HK1: variants seen among roughly 807,000 people sequenced by gnomAD.
The protein encoded by HK1 is hexokinase-1.
A neutral mutation model predicts 91.6 loss-of-function variants in HK1; 28 were observed. That is an observed-to-expected ratio of 0.31 (90% CI 0.23 to 0.42). The LOEUF is 0.42. Ranked by LOEUF, HK1 falls within the 10% of genes least tolerant of loss-of-function variation. The pLI, the probability that HK1 is intolerant of heterozygous loss-of-function variation, is 1.00. For synonymous variants in HK1, 430 were observed against 468.1 expected (o/e 0.92, Z 1.05); for missense variants, 770 against 1,219.8 (o/e 0.63, Z 5.49).
chr10:69,338,230 C>T, intron 1 of HK1: 1 of 1,108,922 alleles, frequency 9.0e-7, no homozygotes, highest in Non-Finnish European at 1.1e-6. Context: ...TGCAGCCGGT[C>T]TGGCTACCCT....
At chr10:69,298,467 A>C (rs998453196) in intron 4 of HK1, among the ~76,000 whole-genome samples, 16 of 151,644 alleles carry the variant, frequency 1.1e-4, no homozygotes, top group Non-Finnish European at 1.6e-4. Flanking sequence ...CTCTAAAAAA[A>C]ATTGTAAAAA....
intron 5 of HK1, among the ~76,000 whole-genome samples, chr10:69,307,958 C>T (rs979710636): frequency 3.3e-5 from 5 of 152,164 alleles, no homozygotes; most frequent in Admixed American, 1.3e-4. Context: ...CCTGCCCCAG[C>T]CTCTGGAGTA....
intron 15 of HK1, 103 bp from the exon 16 acceptor site, chr10:69,394,847 C>A: frequency 8.7e-7 from 1 of 1,155,516 alleles, no homozygotes; most frequent in Non-Finnish European, 1.3e-6. Context: ...GTTGATGATG[C>A]GCTTGAGGGG....
At chr10:69,346,363 C>G (rs1848560800) in intron 2 of HK1, among the ~76,000 whole-genome samples, 1 of 151,748 alleles carries the variant, frequency 6.6e-6, no homozygotes, top group South Asian at 2.1e-4. Flanking sequence ...CAAGCCTTTC[C>G]TTTCTTGCTG....
intron 1 of HK1, among the ~76,000 whole-genome samples, chr10:69,325,154 C>T (rs1409111241): frequency 6.7e-6 from 1 of 150,168 alleles, no homozygotes. Context: ...TGGGTTCTCG[C>T]CATTCTCCTG....
At chr10:69,394,777 G>T (rs1339936893) in intron 15 of HK1, among the ~76,000 whole-genome samples, 173 bp from the exon 16 acceptor site, 1 of 152,148 alleles carries the variant, frequency 6.6e-6, no homozygotes, top group Non-Finnish European at 1.5e-5. Flanking sequence ...AGGACTCCCT[G>T]GTCCTTCCTG....
chr10:69,321,495 C>T (rs1378527431), intron 1 of HK1, among the ~76,000 whole-genome samples: 1 of 152,194 alleles, frequency 6.6e-6, no homozygotes, highest in Non-Finnish European at 1.5e-5. Context: ...GATGGTTCCC[C>T]CCCAGCGTGG....
chr10:69,279,216 T>C (rs1252606829), intron 1 of HK1, among the ~76,000 whole-genome samples: 1 of 152,218 alleles, frequency 6.6e-6, no homozygotes, highest in Non-Finnish European at 1.5e-5. Flanking sequence ...TATTTCTTCC[T>C]GGGCTTTAGT....
intron 13 of HK1, among the ~76,000 whole-genome samples, chr10:69,388,879 T>C (rs921309940): frequency 1.3e-5 from 2 of 152,234 alleles, no homozygotes; most frequent in Admixed American, 1.3e-4. Flanking sequence ...AAGGCCATAA[T>C]GCTTTAAACT....
intron 1 of HK1, among the ~76,000 whole-genome samples, chr10:69,322,858 C>G (rs186483705): frequency 4.0e-5 from 6 of 151,036 alleles, no homozygotes; most frequent in African/African-American, 1.5e-4. Context: ...CCATTGCACT[C>G]CAGCCTAGGC....
chr10:69,318,848 AG>A lies in HK1; in HGVS notation c.-98del. 1 of 1,486,740 alleles carries A rather than the reference AG, an allele frequency of 6.7e-7. No individual in the cohort carries two copies. Among genetic ancestry groups the A allele is most frequent in the Non-Finnish European group, 8.9e-7 (1 of 1,119,866 alleles). The allele number at this position is 1,486,740 out of a possible 1,614,324, so 92.1% of individuals were successfully genotyped here. The stretch of plus-strand genomic sequence containing the variant: ...GGGGAGGAGCCGGGGGAGGAGGAGG[AG>A]GAGGAGCCGCCGAGCAGCCGCCGGA... On this transcript the variant is annotated 5_prime_UTR_variant, in exon 1 of 18. Coordinates refer to ENST00000359426, the MANE Select transcript of HK1 (RefSeq NM_000188.3).
intron 1 of HK1, among the ~76,000 whole-genome samples, chr10:69,321,090 A>G (rs1488018960): frequency 6.6e-6 from 1 of 152,128 alleles, no homozygotes. Context: ...ATTCTTAAAA[A>G]CAAGATGTTT....
intron 1 of HK1, among the ~76,000 whole-genome samples, chr10:69,272,910 A>G (rs1844241943): frequency 6.7e-6 from 1 of 150,184 alleles, no homozygotes; most frequent in Non-Finnish European, 1.5e-5. Context: ...TGAAATTCCA[A>G]TATGCAAACA....
At chr10:69,347,111 C>A (rs559466361) in intron 2 of HK1, among the ~76,000 whole-genome samples, 4 of 151,498 alleles carry the variant, frequency 2.6e-5, no homozygotes, top group South Asian at 2.1e-4. Flanking sequence ...ATGGTTCAAG[C>A]GATCCTCCTG....
intron 4 of HK1, chr10:69,300,470 G>T (rs997462877): frequency 1.2e-6 from 1 of 832,100 alleles, no homozygotes; most frequent in Non-Finnish European, 1.9e-6. Flanking sequence ...GTGTGTTTTC[G>T]TCTTGCTTCT....
chr10:69,274,820 C>T (rs1027106428), intron 1 of HK1, among the ~76,000 whole-genome samples: 1 of 152,138 alleles, frequency 6.6e-6, no homozygotes, highest in Non-Finnish European at 1.5e-5. Flanking sequence ...CCAGATTCTA[C>T]TCTGTCTAGC....
intron 3 of HK1, among the ~76,000 whole-genome samples, chr10:69,293,963 G>A (rs551738311): frequency 3.3e-4 from 48 of 143,418 alleles, no homozygotes; most frequent in African/African-American, 6.4e-4. Flanking sequence ...CCGGGTTCAC[G>A]CCATTCTCCT....
intron 2 of HK1, among the ~76,000 whole-genome samples, chr10:69,356,989 C>T (rs1488973426): frequency 6.6e-6 from 1 of 150,618 alleles, no homozygotes; most frequent in East Asian, 2.0e-4. Flanking sequence ...TAGAAATGTA[C>T]TCAACACCAT....
intron 5 of HK1, among the ~76,000 whole-genome samples, chr10:69,308,118 T>A (rs901180062): frequency 1.1e-4 from 17 of 152,202 alleles, no homozygotes; most frequent in African/African-American, 4.1e-4. Context: ...GGATTACAGG[T>A]GTGAGCCACC....
Sources: allele counts gnomAD v4.1 joint callset (sites outside exome capture counted in the v4.1 genomes callset), GRCh38; gene constraint gnomAD v4.1.1; transcripts MANE v1.5; gene names NCBI Gene and HGNC (gene_info 2026-07-23, HGNC 2026-07-21).